Variants in PCLO observed in about 807,000 individuals in gnomAD.
PCLO encodes piccolo presynaptic cytomatrix protein.
A neutral mutation model predicts 427.5 loss-of-function variants in PCLO; 82 were observed. The observed-to-expected ratio is 0.19, with a 90% confidence interval of 0.16 to 0.23. The LOEUF (loss-of-function observed/expected upper bound fraction) is 0.23. Ranked by LOEUF, PCLO falls within the 10% of genes least tolerant of loss-of-function variation. PCLO has a pLI of 1.00. For synonymous variants in PCLO, 2,357 were observed against 2,155.4 expected, an observed-to-expected ratio of 1.09 and a Z score of -2.59; for missense variants, 6,239 against 6,115.9, an observed-to-expected ratio of 1.02 and a Z score of -0.67.
intron 4 of PCLO, among the ~76,000 whole-genome samples, chr7:82,962,375 A>G (rs1236196105): frequency 6.6e-6 from 1 of 152,142 alleles, no homozygotes; most frequent in Non-Finnish European, 1.5e-5. Context: ...CTAAAGTAAT[A>G]TGTGGAATCA....
At chr7:83,054,031 A>G (rs1404208056) in intron 3 of PCLO, among the ~76,000 whole-genome samples, 1 of 151,990 alleles carries the variant, frequency 6.6e-6, no homozygotes, top group Non-Finnish European at 1.5e-5. Flanking sequence ...TGTACTCATA[A>G]AAAGCACCAA....
intron 3 of PCLO, among the ~76,000 whole-genome samples, chr7:83,025,861 A>G (rs979074445): frequency 6.6e-6 from 1 of 152,084 alleles, no homozygotes; most frequent in Admixed American, 6.5e-5. Context: ...ACTAAGCTTC[A>G]TAAGTGAAGG....
intron 16 of PCLO, among the ~76,000 whole-genome samples, chr7:82,829,889 C>A (rs1210763758): frequency 6.6e-6 from 1 of 151,826 alleles, no homozygotes; most frequent in African/African-American, 2.4e-5. Context: ...GTAAGTGGCA[C>A]TGAAAATCAA....
chr7:83,070,740 A>C (rs1287130380), intron 3 of PCLO, among the ~76,000 whole-genome samples: 1 of 152,124 alleles, frequency 6.6e-6, no homozygotes, highest in Non-Finnish European at 1.5e-5. Context: ...CAACTAAAAC[A>C]CACACTAAAC....
At chr7:83,044,109 A>G (rs1789044454) in intron 3 of PCLO, among the ~76,000 whole-genome samples, 1 of 150,024 alleles carries the variant, frequency 6.7e-6, no homozygotes, top group African/African-American at 2.5e-5. Flanking sequence ...GTGAAGGAGA[A>G]GCAGGGCACA....
At position 82,956,041 on chromosome 7, in the gene PCLO, C is replaced by G; in HGVS notation, c.4912G>C (p.Asp1638His). The change falls in exon 5 of 25, where the codon GAT becomes CAT. Residue 1638 changes from aspartate (D) to histidine (H), a missense_variant. By Grantham distance (81) the Asp-to-His change is moderately conservative (BLOSUM62 -1). Transcript: ENST00000333891. ...CTGTATTTAAGTTCAGGACTTTCAT[C>G]AAATGCTTCATCGTCTTCATCATGC... ...SWHDEDDEAF[D>H]ESPELKYRET... 6.2e-7 allele frequency: 1 copy of G among 1,613,032 alleles called. No individual in the cohort carries two copies. Among genetic ancestry groups the G allele is most frequent in the East Asian group, 2.2e-5 (1 of 44,882 alleles).
At chr7:82,989,205 T>C (rs906808421) in intron 3 of PCLO, among the ~76,000 whole-genome samples, 4 of 152,058 alleles carry the variant, frequency 2.6e-5, no homozygotes, top group African/African-American at 9.7e-5. Flanking sequence ...AACTGCTATC[T>C]GGTGAAAGGC....
At chr7:83,013,342 T>C (rs1039484254) in intron 3 of PCLO, among the ~76,000 whole-genome samples, 1 of 152,214 alleles carries the variant, frequency 6.6e-6, no homozygotes, top group Admixed American at 6.6e-5. Context: ...CATTATTACA[T>C]GATACCTTAT....
intron 3 of PCLO, among the ~76,000 whole-genome samples, chr7:82,988,211 G>C (rs2115822186): frequency 6.6e-6 from 1 of 151,918 alleles, no homozygotes; most frequent in Non-Finnish European, 1.5e-5. Flanking sequence ...AAAAATTTTA[G>C]TAGAGATGAG....
intron 3 of PCLO, among the ~76,000 whole-genome samples, chr7:82,973,318 T>C (rs530943734): frequency 1.3e-5 from 2 of 152,168 alleles, no homozygotes; most frequent in Non-Finnish European, 2.9e-5. Context: ...ATTTTGTTTC[T>C]TTTAAAACCA....
chr7:82,994,620 T>TATAC (rs1796452905), intron 3 of PCLO, among the ~76,000 whole-genome samples: 1 of 151,156 alleles, frequency 6.6e-6, no homozygotes, highest in African/African-American at 2.4e-5. Flanking sequence ...ATAGTAGGTA[T>TATAC]ATATATATAT....
intron 22 of PCLO, among the ~76,000 whole-genome samples, chr7:82,782,725 G>C (rs1021361690): frequency 3.3e-5 from 5 of 152,120 alleles, no homozygotes; most frequent in African/African-American, 1.2e-4. Flanking sequence ...ACGGTTCACT[G>C]TTATGTTTTT....
At chr7:82,870,629 ACAAT>A (rs1429525901) in intron 10 of PCLO, among the ~76,000 whole-genome samples, 2 of 152,102 alleles carry the variant, frequency 1.3e-5, no homozygotes, top group Non-Finnish European at 2.9e-5. Context: ...GGCAAAGGAA[ACAAT>A]CAACAAAGTG....
In PCLO at chr7:82,932,687, G is replaced by A. The variant is rs116025896; in HGVS notation, c.11113-15814C>T. ...CCTCACAGATGTTGAAGTCATTCAG[G>A]ATCTGGCAGGACTTCTGATGACTTT... On this transcript the variant is annotated intron_variant, in intron 6 of 24. Coordinates refer to ENST00000333891, the MANE Select transcript of PCLO (RefSeq NM_033026.6). 2.5e-3 allele frequency among the ~76,000 whole-genome samples: 378 copies of A among 152,170 alleles called. 1 individual carries two copies. Among genetic ancestry groups the A allele is most frequent in the African/African-American group, 8.8e-3 (365 of 41,538 alleles).
chr7:82,809,351 A>T (rs1223994967), intron 20 of PCLO, among the ~76,000 whole-genome samples: 1 of 151,596 alleles, frequency 6.6e-6, no homozygotes, highest in Non-Finnish European at 1.5e-5. Flanking sequence ...TTTCTTTCCA[A>T]CTTTACTAAG....
intron 20 of PCLO, among the ~76,000 whole-genome samples, chr7:82,816,695 G>A (rs760163365): frequency 2.7e-4 from 41 of 151,974 alleles, no homozygotes; most frequent in Non-Finnish European, 4.6e-4. Flanking sequence ...TATGACTAAG[G>A]CATAACAATT....
In PCLO at chr7:82,951,364, T is replaced by C; in HGVS notation, c.9224A>G (p.Gln3075Arg). The change falls in exon 6 of 25, where the codon CAG becomes CGG. Residue 3075 changes from glutamine to arginine, a missense_variant. Coordinates refer to ENST00000333891, the MANE Select transcript of PCLO (RefSeq NM_033026.6). ...CCTCAAAACACTCCCCACACAATACTGGGGTCCTGGTGGTGGTGTCATTCT... is the reference window on the plus strand; with the variant it reads ...CCTCAAAACACTCCCCACACAATACCGGGGTCCTGGTGGTGGTGTCATTCT... Reference protein sequence around the residue: ...TARMTPPPGPQYCVGSVLRSS... With the variant: ...TARMTPPPGPRYCVGSVLRSS... The C allele has an allele frequency of 6.2e-7, 1 of 1,606,638 alleles. No homozygotes were observed.
intron 9 of PCLO, among the ~76,000 whole-genome samples, chr7:82,890,602 A>G (rs1793735161): frequency 6.6e-6 from 1 of 152,000 alleles, no homozygotes; most frequent in African/African-American, 2.4e-5. Context: ...TTGTGTTTAT[A>G]GTATTTGTAA....
At chr7:82,884,548 T>G (rs1482742234) in intron 9 of PCLO, among the ~76,000 whole-genome samples, 4 of 152,198 alleles carry the variant, frequency 2.6e-5, no homozygotes, top group African/African-American at 9.7e-5. Context: ...TTTTCTTCAT[T>G]TTAGCTTATA....
Sources: allele counts gnomAD v4.1 joint callset (sites outside exome capture counted in the v4.1 genomes callset), GRCh38; gene constraint gnomAD v4.1.1; transcripts MANE v1.5; gene names NCBI Gene and HGNC (gene_info 2026-07-23, HGNC 2026-07-21).